The following LOC400499 variants were observed in gnomAD, a reference collection of about 807,000 sequenced individuals.
chr16:11,503,466 A>G, the LOC400499 span, among the ~76,000 whole-genome samples: 3 of 152,176 alleles, frequency 2.0e-5, no homozygotes, highest in African/African-American at 7.2e-5. Flanking sequence ...GAGCCGAGCC[A>G]AGCCAGGTCC....
At chr16:11,396,652 G>T in the LOC400499 span, 3 of 1,231,728 alleles carry the variant, frequency 2.4e-6, no homozygotes, top group Non-Finnish European at 3.0e-6. Context: ...GGCCCAGGGT[G>T]TGCTCCCCGA....
the LOC400499 span, chr16:11,502,322 C>T: frequency 1.5e-5 from 6 of 395,478 alleles, no homozygotes; most frequent in Admixed American, 2.2e-4. Flanking sequence ...TGCTGAGACC[C>T]AGTGAGATGA....
chr16:11,494,697 T>A, the LOC400499 span: 5 of 399,058 alleles, frequency 1.3e-5, no homozygotes, highest in African/African-American at 1.0e-4. Context: ...GCACAGAGGT[T>A]GTGCACCAGG....
At chr16:11,379,293 A>G in the LOC400499 span, among the ~76,000 whole-genome samples, 2 of 152,108 alleles carry the variant, frequency 1.3e-5, no homozygotes, top group African/African-American at 4.8e-5. Context: ...ATTATCGTAG[A>G]CCTATCTGTT....
At chr16:11,455,946 G>C in the LOC400499 span, among the ~76,000 whole-genome samples, 3 of 151,540 alleles carry the variant, frequency 2.0e-5, no homozygotes, top group Non-Finnish European at 4.4e-5. Context: ...ACCCAGCTTC[G>C]ACAATGAGCA....
At chr16:11,430,015 G>C in the LOC400499 span, among the ~76,000 whole-genome samples, 36 of 152,086 alleles carry the variant, frequency 2.4e-4, no homozygotes, top group African/African-American at 1.9e-4. Context: ...CCTTAATCAA[G>C]AGATCAAAGC....
chr16:11,458,401 A>C, the LOC400499 span, among the ~76,000 whole-genome samples: 1 of 151,250 alleles, frequency 6.6e-6, no homozygotes, highest in Non-Finnish European at 1.5e-5. Context: ...GCTACTTGGG[A>C]GGCTGAGGCA....
the LOC400499 span, among the ~76,000 whole-genome samples, chr16:11,373,366 A>G: frequency 5.3e-5 from 8 of 152,326 alleles, no homozygotes; most frequent in African/African-American, 1.9e-4. Context: ...CTTTTCTGAG[A>G]TGGAGTCTCG....
chr16:11,404,676 C>T, the LOC400499 span: 4 of 399,062 alleles, frequency 1.0e-5, no homozygotes, highest in Non-Finnish European at 1.3e-5. Context: ...ACTGGGCCAC[C>T]CCTGCCTGCA....
chr16:11,499,325 G>T, the LOC400499 span, among the ~76,000 whole-genome samples: 509 of 115,382 alleles, frequency 4.4e-3, 7 homozygotes, highest in African/African-American at 0.017. Flanking sequence ...GAGGGAGAGG[G>T]GAGAGGGGGA....
the LOC400499 span, among the ~76,000 whole-genome samples, chr16:11,517,325 T>C: frequency 6.6e-6 from 1 of 152,178 alleles, no homozygotes; most frequent in Admixed American, 6.5e-5. Flanking sequence ...CACTCTTTCA[T>C]TCCACGATGC....
chr16:11,399,979 G>T, the LOC400499 span, among the ~76,000 whole-genome samples: 2 of 151,902 alleles, frequency 1.3e-5, no homozygotes, highest in Non-Finnish European at 2.9e-5. Context: ...TAGGATGGAG[G>T]GTGGAGAGAC....
chr16:11,515,705 G>GAGGGAGGAGGAAGGAGGAGGAAA, the LOC400499 span, among the ~76,000 whole-genome samples: 1 of 150,112 alleles, frequency 6.7e-6, no homozygotes, highest in Non-Finnish European at 1.5e-5. Context: ...AAGAGCTGAG[G>GAGGGAGGAGGAAGGAGGAGGAAA]AGGGAGGAGG....
At chr16:11,417,852 C>G in the LOC400499 span, 9 of 398,660 alleles carry the variant, frequency 2.3e-5, no homozygotes, top group African/African-American at 1.9e-4. Flanking sequence ...GGAATGACAC[C>G]AAGGAGACGC....
At chr16:11,396,429 G>T in the LOC400499 span, 1 of 1,196,366 alleles carries the variant, frequency 8.4e-7, no homozygotes, top group Non-Finnish European at 1.0e-6. Context: ...CCAGGCAGTT[G>T]GGGGCCTGCT....
chr16:11,414,379 G>A, the LOC400499 span: 5 of 399,478 alleles, frequency 1.3e-5, no homozygotes, highest in Admixed American at 1.3e-4. Context: ...CTGGAGAGCA[G>A]GCACTGTGTG....
the LOC400499 span, among the ~76,000 whole-genome samples, chr16:11,448,268 G>A: frequency 6.6e-6 from 1 of 152,178 alleles, no homozygotes; most frequent in Non-Finnish European, 1.5e-5. Context: ...ACACCACCAT[G>A]GCTAGACCTC....
the LOC400499 span, chr16:11,384,433 G>T: frequency 5.6e-6 from 3 of 536,646 alleles, no homozygotes; most frequent in Non-Finnish European, 2.8e-6. Context: ...GAAGCACACA[G>T]AGGAGCAGTA....
At chr16:11,460,680 G>A in the LOC400499 span, 12 of 1,464,026 alleles carry the variant, frequency 8.2e-6, no homozygotes, top group Admixed American at 6.9e-5. Flanking sequence ...TCCAAGAGAA[G>A]GAGGGCCCGG....
Sources: gnomAD v4.1 joint callset for allele counts (sites outside exome capture counted in the v4.1 genomes callset) on GRCh38, gnomAD v4.1.1 for gene constraint, MANE v1.5 for transcripts.